SAMD12: variants seen among roughly 807,000 people sequenced by gnomAD.
SAMD12 encodes sterile alpha motif domain-containing protein 12.
Under a neutral mutation model 15.0 loss-of-function variants are expected in SAMD12, and 9 were observed. The observed-to-expected ratio is 0.60, with a 90% CI of 0.36 to 1.05. SAMD12 has a LOEUF of 1.05. Among genes scored for constraint, SAMD12 ranks in the 50% least tolerant of loss-of-function variants. SAMD12 has a pLI of 0.01. For missense variants in SAMD12, 230 were observed against 234.2 expected, an observed-to-expected ratio of 0.98 and a Z score of 0.12; for synonymous variants, 86 against 90.1, an observed-to-expected ratio of 0.96 and a Z score of 0.25.
At chr8:118,295,593 C>G (rs1814661471) in intron 4 of SAMD12, 1 of 151,550 alleles carries the variant, frequency 6.6e-6, no homozygotes, top group Non-Finnish European at 1.5e-5. Flanking sequence ...AAGTTATATC[C>G]TAGCACACAG....
chr8:118,216,180 C>T (rs1490263713), intron 4 of SAMD12, among the ~76,000 whole-genome samples: 7 of 149,502 alleles, frequency 4.7e-5, no homozygotes, highest in Admixed American at 4.0e-4. Flanking sequence ...GATGGTATCT[C>T]ATTGTGGTTT....
intron 2 of SAMD12, among the ~76,000 whole-genome samples, chr8:118,445,981 G>A (rs1319873588): frequency 1.3e-5 from 2 of 152,128 alleles, no homozygotes; most frequent in African/African-American, 2.4e-5. Flanking sequence ...TGTTGACAAC[G>A]AAAACGGAAT....
chr8:118,360,609 A>T (rs974480790), intron 4 of SAMD12, among the ~76,000 whole-genome samples: 1 of 152,186 alleles, frequency 6.6e-6, no homozygotes, highest in African/African-American at 2.4e-5. Context: ...AGGAAGGAAA[A>T]TGGTAATGTG....
chr8:118,495,095 G>A (rs555213570), intron 2 of SAMD12, among the ~76,000 whole-genome samples: 3 of 152,324 alleles, frequency 2.0e-5, no homozygotes, highest in Admixed American at 6.5e-5. Flanking sequence ...CATACAGTAA[G>A]TTTTCAGGAA....
chr8:118,271,910 G>A (rs1290952549), intron 4 of SAMD12, among the ~76,000 whole-genome samples: 1 of 152,202 alleles, frequency 6.6e-6, no homozygotes, highest in Non-Finnish European at 1.5e-5. Context: ...TCATGGGCTG[G>A]CATTGAGTGC....
At chr8:118,613,129 TGGTTA>T (rs2131319136) in intron 1 of SAMD12, among the ~76,000 whole-genome samples, 1 of 152,328 alleles carries the variant, frequency 6.6e-6, no homozygotes, top group Non-Finnish European at 1.5e-5. Flanking sequence ...ATGGTGGTAG[TGGTTA>T]CAAGACTATA....
chr8:118,412,876 C>T (rs899843727), intron 3 of SAMD12, among the ~76,000 whole-genome samples: 5 of 152,064 alleles, frequency 3.3e-5, no homozygotes, highest in African/African-American at 1.2e-4. Context: ...ACAGAATATG[C>T]TTGGCAGTGG....
intron 3 of SAMD12, among the ~76,000 whole-genome samples, chr8:118,392,553 A>C (rs1437256990): frequency 6.6e-6 from 1 of 152,224 alleles, no homozygotes; most frequent in Non-Finnish European, 1.5e-5. Context: ...TCACTCCAAA[A>C]CTATGATGGG....
At chr8:118,148,789 T>C in the SAMD12 span, among the ~76,000 whole-genome samples, 1 of 152,240 alleles carries the variant, frequency 6.6e-6, no homozygotes, top group Non-Finnish European at 1.5e-5. Flanking sequence ...TCATATGTGG[T>C]TATTTACATC....
chr8:118,549,463 T>A (rs1391501914), intron 2 of SAMD12, among the ~76,000 whole-genome samples: 1 of 152,182 alleles, frequency 6.6e-6, no homozygotes, highest in East Asian at 1.9e-4. Flanking sequence ...GACCTGCAGC[T>A]GAGGGTCCTG....
At chr8:118,163,431 A>G in the SAMD12 span, among the ~76,000 whole-genome samples, 1 of 152,194 alleles carries the variant, frequency 6.6e-6, no homozygotes, top group Non-Finnish European at 1.5e-5. Flanking sequence ...GAGGTAGGGA[A>G]GAGAAAAGTA....
At chr8:118,170,650 C>T in the SAMD12 span, among the ~76,000 whole-genome samples, 1 of 152,082 alleles carries the variant, frequency 6.6e-6, no homozygotes, top group Non-Finnish European at 1.5e-5. Context: ...ACATGGGACT[C>T]TTGGCTTAAA....
chr8:118,467,426 A>T (rs1563877724), intron 2 of SAMD12, among the ~76,000 whole-genome samples: 1 of 152,154 alleles, frequency 6.6e-6, no homozygotes, highest in African/African-American at 2.4e-5. Flanking sequence ...ATGAATGTTT[A>T]TTTTTATTAT....
intron 1 of SAMD12, among the ~76,000 whole-genome samples, chr8:118,615,187 T>G (rs1269897722): frequency 6.6e-6 from 1 of 151,972 alleles, no homozygotes; most frequent in East Asian, 1.9e-4. Context: ...CACTACTCAG[T>G]TTTGTGCCCT....
chr8:118,205,620 T>C (rs538683346), intron 4 of SAMD12, among the ~76,000 whole-genome samples: 22 of 152,386 alleles, frequency 1.4e-4, no homozygotes, highest in African/African-American at 5.3e-4. Context: ...CAAGGCCCCA[T>C]GGCAACATTT....
chr8:118,153,519 G>A, the SAMD12 span, among the ~76,000 whole-genome samples: 1 of 152,238 alleles, frequency 6.6e-6, no homozygotes. Context: ...CTTCTGCAAA[G>A]AGAGAAAAAG....
chr8:118,340,436 T>C (rs959176712), intron 4 of SAMD12, among the ~76,000 whole-genome samples: 3 of 152,182 alleles, frequency 2.0e-5, no homozygotes, highest in Non-Finnish European at 4.4e-5. Context: ...ATGTATATAC[T>C]CATACATATA....
chr8:118,390,574 C>T (rs754716542), intron 3 of SAMD12, among the ~76,000 whole-genome samples: 2 of 152,146 alleles, frequency 1.3e-5, no homozygotes, highest in South Asian at 2.1e-4. Context: ...AAGGTGACTA[C>T]GAATCACCCA....
the SAMD12 span, among the ~76,000 whole-genome samples, chr8:118,145,380 G>C: frequency 6.6e-6 from 1 of 152,184 alleles, no homozygotes. Context: ...ATGTTGACCA[G>C]CACCTGTGAA....
Sources: allele counts gnomAD v4.1 joint callset (sites outside exome capture counted in the v4.1 genomes callset), GRCh38; gene constraint gnomAD v4.1.1; transcripts MANE v1.5; gene names NCBI Gene and HGNC (gene_info 2026-07-23, HGNC 2026-07-21).